Variants in VEPH1 observed in about 807,000 individuals in gnomAD.
The protein encoded by VEPH1 is ventricular zone expressed PH domain containing 1.
VEPH1 carries 80 observed loss-of-function variants against 85.2 expected under a neutral mutation model. The observed-to-expected ratio is 0.94, with a 90% CI of 0.78 to 1.13. The LOEUF (loss-of-function observed/expected upper bound fraction) is 1.13. VEPH1 is among the 50% of genes most tolerant of loss of function. VEPH1 has a pLI of 0.00. For synonymous variants in VEPH1, 297 were observed against 348.0 expected (o/e 0.85, Z 1.63); for missense variants, 955 against 980.5 (o/e 0.97, Z 0.35).
intron 2 of VEPH1, among the ~76,000 whole-genome samples, chr3:157,482,112 C>T (rs766741049): frequency 4.1e-4 from 63 of 152,124 alleles, no homozygotes; most frequent in Non-Finnish European, 7.2e-4. Flanking sequence ...TGTGATGCCT[C>T]CAGCTTTGTA....
intron 2 of VEPH1, among the ~76,000 whole-genome samples, chr3:157,471,430 C>T (rs1421369562): frequency 1.3e-5 from 2 of 152,152 alleles, no homozygotes; most frequent in African/African-American, 4.8e-5. Context: ...ATTTTTAAGG[C>T]TCAAAATAGG....
At chr3:157,324,354 A>G (rs1721663967) in intron 9 of VEPH1, among the ~76,000 whole-genome samples, 1 of 152,078 alleles carries the variant, frequency 6.6e-6, no homozygotes, top group South Asian at 2.1e-4. Context: ...CACTGTGCCC[A>G]TATTTTTAAG....
intron 11 of VEPH1, among the ~76,000 whole-genome samples, chr3:157,306,006 CTTTATAT>C (rs1161316695): frequency 6.6e-6 from 1 of 152,120 alleles, no homozygotes; most frequent in Non-Finnish European, 1.5e-5. Flanking sequence ...TCTTTACAGA[CTTTATAT>C]TTTATGTAGT....
At chr3:157,297,981 T>G (rs936984971) in intron 11 of VEPH1, among the ~76,000 whole-genome samples, 1 of 152,112 alleles carries the variant, frequency 6.6e-6, no homozygotes, top group East Asian at 1.9e-4. Context: ...CAGGCCCTGA[T>G]CAGACATAGA....
intron 3 of VEPH1, among the ~76,000 whole-genome samples, chr3:157,468,748 A>G (rs1736629181): frequency 6.6e-6 from 1 of 152,158 alleles, no homozygotes; most frequent in Non-Finnish European, 1.5e-5. Context: ...GGCTACTAGA[A>G]TTTTTTTCCT....
At chr3:157,401,281 GA>G (rs1257214139) in intron 6 of VEPH1, among the ~76,000 whole-genome samples, 1 of 152,054 alleles carries the variant, frequency 6.6e-6, no homozygotes, top group Non-Finnish European at 1.5e-5. Context: ...GATTGTATTT[GA>G]ACTTTTTGCC....
At chr3:157,288,126 A>G (rs1481392984) in intron 11 of VEPH1, among the ~76,000 whole-genome samples, 2 of 152,212 alleles carry the variant, frequency 1.3e-5, no homozygotes, top group Non-Finnish European at 2.9e-5. Context: ...TATGTAAATG[A>G]CTTGTATCCT....
intron 6 of VEPH1, among the ~76,000 whole-genome samples, chr3:157,410,727 T>A (rs551711076): frequency 6.6e-6 from 1 of 152,306 alleles, no homozygotes; most frequent in East Asian, 1.9e-4. Flanking sequence ...CAAAGGAGCC[T>A]GCCTGACATT....
chr3:157,407,549 C>A (rs1429935003), intron 6 of VEPH1, among the ~76,000 whole-genome samples: 1 of 152,164 alleles, frequency 6.6e-6, no homozygotes, highest in Non-Finnish European at 1.5e-5. Flanking sequence ...GCCAGCTATG[C>A]TTTCCACCTT....
intron 9 of VEPH1, 36 bp downstream of exon 9, chr3:157,363,328 G>T: frequency 6.6e-7 from 1 of 1,519,032 alleles, no homozygotes; most frequent in South Asian, 1.4e-5. Flanking sequence ...AGTGACTCCT[G>T]AAGTTTCTCA....
chr3:157,437,537 A>C (rs1272170423), intron 4 of VEPH1: 3 of 1,606,062 alleles, frequency 1.9e-6, no homozygotes, highest in Non-Finnish European at 2.5e-6. Context: ...TGCGGTCAGG[A>C]GCACTCGGAA....
chr3:157,361,882 GT>G (rs1261802169), intron 9 of VEPH1, among the ~76,000 whole-genome samples: 5 of 152,126 alleles, frequency 3.3e-5, no homozygotes, highest in Non-Finnish European at 5.9e-5. Flanking sequence ...TGCAAATAAT[GT>G]ATGATGAACA....
intron 3 of VEPH1, among the ~76,000 whole-genome samples, chr3:157,465,789 T>G (rs1481517508): frequency 6.6e-6 from 1 of 152,224 alleles, no homozygotes; most frequent in African/African-American, 2.4e-5. Flanking sequence ...AAGTAGACAC[T>G]TTCTGATTTT....
At chr3:157,314,137 C>T (rs532895855) in intron 10 of VEPH1, among the ~76,000 whole-genome samples, 1 of 151,654 alleles carries the variant, frequency 6.6e-6, no homozygotes, top group South Asian at 2.1e-4. Flanking sequence ...TCGAGGCCAT[C>T]CTGGCTAACA....
intron 8 of VEPH1, among the ~76,000 whole-genome samples, chr3:157,364,062 G>C (rs1559995406): frequency 6.6e-6 from 1 of 152,150 alleles, no homozygotes; most frequent in Admixed American, 6.5e-5. Flanking sequence ...GAAATCAAGA[G>C]ACAGTATTTT....
At chr3:157,321,462 T>G (rs1449333928) in intron 9 of VEPH1, among the ~76,000 whole-genome samples, 2 of 152,188 alleles carry the variant, frequency 1.3e-5, no homozygotes, top group Non-Finnish European at 2.9e-5. Flanking sequence ...TGTAACCAAT[T>G]ACATTTCATC....
intron 6 of VEPH1, among the ~76,000 whole-genome samples, chr3:157,407,390 G>C (rs746701497): frequency 6.6e-6 from 1 of 151,972 alleles, no homozygotes; most frequent in Non-Finnish European, 1.5e-5. Context: ...AATTATGAAG[G>C]TTTACAAAAT....
chr3:157,347,707 G>A (rs944071441), intron 9 of VEPH1, among the ~76,000 whole-genome samples: 1 of 152,212 alleles, frequency 6.6e-6, no homozygotes. Context: ...AGAATCAGGT[G>A]GGACTTCCCA....
At chr3:157,343,930 A>G (rs1398333942) in intron 9 of VEPH1, among the ~76,000 whole-genome samples, 1 of 152,226 alleles carries the variant, frequency 6.6e-6, no homozygotes, top group African/African-American at 2.4e-5. Flanking sequence ...CAAAAACCAC[A>G]TGATTATCTC....
Sources: allele counts gnomAD v4.1 joint callset (sites outside exome capture counted in the v4.1 genomes callset), GRCh38; gene constraint gnomAD v4.1.1; transcripts MANE v1.5; gene names NCBI Gene and HGNC (gene_info 2026-07-23, HGNC 2026-07-21).